DNAJB1: variants seen among roughly 807,000 people sequenced by gnomAD.
The protein encoded by DNAJB1 is dnaJ homolog subfamily B member 1.
Under a neutral mutation model 24.0 loss-of-function variants are expected in DNAJB1, and 14 were observed. The ratio of observed to expected loss-of-function variants is 0.58; its 90% CI spans 0.39 to 0.91. DNAJB1 has a LOEUF of 0.91. Ranked by LOEUF, DNAJB1 falls within the 40% of genes least tolerant of loss-of-function variation. The probability of loss-of-function intolerance (pLI) is 0.00; values close to 1 mark genes in which losing one functional copy is unlikely to be tolerated. For synonymous variants in DNAJB1, 262 were observed against 174.4 expected (o/e 1.50, Z -3.96); for missense variants, 517 against 458.1 (o/e 1.13, Z -1.17).
At chr19:14,540,150 C>T (rs1416066885) in intron 1 of DNAJB1, among the ~76,000 whole-genome samples, 1 of 151,858 alleles carries the variant, frequency 6.6e-6, no homozygotes, top group Non-Finnish European at 1.5e-5. Flanking sequence ...AGCTCCACCT[C>T]CCAGGTTCAC....
At chr19:14,527,198 T>TTTTTA (rs2072443388) in intron 2 of DNAJB1, among the ~76,000 whole-genome samples, 1 of 96,574 alleles carries the variant, frequency 1.0e-5, no homozygotes, top group Non-Finnish European at 2.0e-5. Context: ...TTTTTTTTTT[T>TTTTTA]GAGACGGAGT....
intron 1 of DNAJB1, among the ~76,000 whole-genome samples, chr19:14,547,963 CTTTT>C (rs1043298294): frequency 3.2e-5 from 4 of 125,664 alleles, no homozygotes; most frequent in Admixed American, 8.0e-5. Context: ...ATGGGCATTT[CTTTT>C]TTTTTTTTTT....
chr19:14,551,940 T>C (rs1599466050), upstream of DNAJB1, among the ~76,000 whole-genome samples: 7 of 72,362 alleles, frequency 9.7e-5, no homozygotes, highest in Admixed American at 3.0e-4. Flanking sequence ...TCTCTCTCCC[T>C]CCCTCCCTCT....
chr19:14,518,692 A>G (rs770762711), upstream of DNAJB1, among the ~76,000 whole-genome samples: 10 of 151,458 alleles, frequency 6.6e-5, no homozygotes, highest in East Asian at 2.0e-4. Context: ...TTCCCTCTCT[A>G]CGCGGCCCCA....
chr19:14,549,016 ATT>A (rs111721704), intron 1 of DNAJB1, among the ~76,000 whole-genome samples: 7 of 150,658 alleles, frequency 4.6e-5, no homozygotes, highest in African/African-American at 1.7e-4. Context: ...GGTTTCTTTG[ATT>A]TTTTTTTTCC....
At chr19:14,535,756 C>CAAAAAAAAAAA in intron 1 of DNAJB1, among the ~76,000 whole-genome samples, 1 of 51,944 alleles carries the variant, frequency 1.9e-5, no homozygotes, top group Non-Finnish European at 3.3e-5. Flanking sequence ...GACTCTGTCT[C>CAAAAAAAAAAA]AAAAAAAAAA....
intron 1 of DNAJB1, among the ~76,000 whole-genome samples, chr19:14,549,211 C>CTTTTTTTT (rs561284094): frequency 7.2e-5 from 8 of 111,160 alleles, no homozygotes; most frequent in African/African-American, 1.8e-4. Context: ...TTTAATTGGA[C>CTTTTTTTT]TTTTTTTTTT....
intron 1 of DNAJB1, chr19:14,517,764 C>T (rs1348700918): frequency 2.1e-5 from 4 of 191,066 alleles, no homozygotes; most frequent in South Asian, 3.8e-4. Context: ...AGGCGCCGCC[C>T]CGCGGACCCC....
Position 14,559,473 on chromosome 19 carries a change from C to G in DNAJB1, c.-2166+558G>C, listed in dbSNP as rs376906187. Reference sequence around the variant, plus strand: ...ATTTCTTTTACCCCACCTGGAATATCTTATTTAACTTTCTTACTTAGAAAT... The same window carrying G: ...ATTTCTTTTACCCCACCTGGAATATGTTATTTAACTTTCTTACTTAGAAAT... On this transcript the variant is annotated intron_variant, in intron 1 of 5. Coordinates refer to the DNAJB1 transcript ENST00000679223. Among the ~76,000 whole-genome samples, 79 of 152,204 alleles carry G rather than the reference C, an allele frequency of 5.2e-4. 3 individuals are homozygous for G. In the East Asian group the frequency reaches 9.8e-3, roughly 19 times the overall value.
intron 1 of DNAJB1, among the ~76,000 whole-genome samples, chr19:14,549,711 T>G (rs1450483097): frequency 2.6e-5 from 4 of 151,872 alleles, no homozygotes; most frequent in African/African-American, 4.8e-5. Flanking sequence ...TAGGGAGGCT[T>G]AGGCGGGCAG....
chr19:14,521,131 G>A (rs1319171629), upstream of DNAJB1, among the ~76,000 whole-genome samples: 1 of 152,114 alleles, frequency 6.6e-6, no homozygotes, highest in Non-Finnish European at 1.5e-5. Flanking sequence ...GCTTTAACAT[G>A]GCTCTGGGTG....
At chr19:14,516,198 T>C (rs746965050) in intron 2 of DNAJB1, 28 bp from the exon 3 acceptor site, 135 of 1,611,818 alleles carry the variant, frequency 8.4e-5, no homozygotes, top group Non-Finnish European at 1.1e-4. Flanking sequence ...CAGCATTAGA[T>C]GGAAGCTGGC....
chr19:14,546,719 C>G lies in DNAJB1; in HGVS notation c.-214+3489G>C, dbSNP rs575011056. On this transcript the variant is annotated intron_variant, in intron 1 of 3. Transcript: ENST00000676982. ...TCTTTTTTTAAGACGGAGTCTTGCT[C>G]TGTTGCCCTGGCTGGAGTGCCGTGT... Among the ~76,000 whole-genome samples, 5 of 152,266 alleles carry G rather than the reference C, an allele frequency of 3.3e-5. No individual in the cohort carries two copies. The East Asian group carries it at 7.7e-4, about 24-fold the overall frequency.
chr19:14,543,355 CAG>C (rs2073166623), intron 1 of DNAJB1, among the ~76,000 whole-genome samples: 2 of 129,870 alleles, frequency 1.5e-5, no homozygotes, highest in Admixed American at 8.7e-5. Flanking sequence ...TAGTTGGAAA[CAG>C]TGTATTGCCT....
chr19:14,553,038 G>A (rs1165884592), upstream of DNAJB1, among the ~76,000 whole-genome samples: 4 of 152,048 alleles, frequency 2.6e-5, no homozygotes, highest in African/African-American at 9.7e-5. Flanking sequence ...TGAGAATGGG[G>A]GGCAGGCCCA....
chr19:14,523,148 G>A (rs1003091124), upstream of DNAJB1, among the ~76,000 whole-genome samples: 4 of 151,950 alleles, frequency 2.6e-5, no homozygotes, highest in African/African-American at 9.7e-5. Context: ...GGAGGTTGCA[G>A]TGAGCCAAGA....
intron 1 of DNAJB1, among the ~76,000 whole-genome samples, chr19:14,549,490 A>C (rs2073421454): frequency 6.6e-6 from 1 of 151,868 alleles, no homozygotes; most frequent in Non-Finnish European, 1.5e-5. Flanking sequence ...AACCCGGCTA[A>C]GTTTTTAAAA....
At chr19:14,521,316 G>A (rs1235367741), upstream of DNAJB1, among the ~76,000 whole-genome samples, 7 of 152,048 alleles carry the variant, frequency 4.6e-5, no homozygotes, top group African/African-American at 1.4e-4. Flanking sequence ...AAAATTAGTC[G>A]GGTGCGGTGG....
chr19:14,518,434 G>A (rs2072318312), upstream of DNAJB1: 6 of 1,185,506 alleles, frequency 5.1e-6, no homozygotes, highest in Non-Finnish European at 6.5e-6. Context: ...TACCCGTCCG[G>A]CGGAAGCTTC....
Sources: gnomAD v4.1 joint callset for allele counts (sites outside exome capture counted in the v4.1 genomes callset) on GRCh38, gnomAD v4.1.1 for gene constraint, MANE v1.5 for transcripts, NCBI Gene and HGNC (gene_info 2026-07-23, HGNC 2026-07-21) for gene names.